Variants in BLTP1 observed in about 807,000 individuals in gnomAD.
BLTP1 encodes fragile site-associated protein.
chr4:122,234,058 A>G, the BLTP1 span: 2 of 152,970 alleles, frequency 1.3e-5, no homozygotes, highest in African/African-American at 4.8e-5. Flanking sequence ...GGATTTTATT[A>G]AAGTAAAAAA....
the BLTP1 span, chr4:122,184,839 T>G: frequency 8.1e-6 from 8 of 985,344 alleles, no homozygotes; most frequent in Non-Finnish European, 9.6e-6. Context: ...TAGCCTTTGT[T>G]CAAACTTATC....
At chr4:122,167,557 C>A in the BLTP1 span, 15 of 521,330 alleles carry the variant, frequency 2.9e-5, 1 homozygote, top group South Asian at 9.9e-4. Flanking sequence ...TCTCCTGTGC[C>A]GCCTCCTGCC....
At chr4:122,331,331 C>A in the BLTP1 span, 1 of 1,608,880 alleles carries the variant, frequency 6.2e-7, no homozygotes, top group Non-Finnish European at 8.5e-7. Flanking sequence ...TGTAGACATA[C>A]GTCTCGTAAA....
the BLTP1 span, chr4:122,208,272 A>C: frequency 4.7e-6 from 3 of 645,034 alleles, no homozygotes. Context: ...ATACATTAGG[A>C]AAGTGAGGAA....
chr4:122,289,251 G>A, the BLTP1 span: 1 of 1,186,454 alleles, frequency 8.4e-7, no homozygotes, highest in Non-Finnish European at 1.2e-6. Flanking sequence ...TTGAGCGTGT[G>A]ATATCCCATA....
chr4:122,291,040 C>T, the BLTP1 span: 3 of 296,320 alleles, frequency 1.0e-5, no homozygotes, highest in Non-Finnish European at 1.5e-5. Flanking sequence ...AAGAGAAAGG[C>T]TTTTCTTAAC....
the BLTP1 span, among the ~76,000 whole-genome samples, chr4:122,223,344 A>G: frequency 1.3e-5 from 2 of 152,192 alleles, no homozygotes; most frequent in African/African-American, 4.8e-5. Context: ...GACTACTGTA[A>G]TAAAACTAGG....
At chr4:122,214,883 A>C in the BLTP1 span, among the ~76,000 whole-genome samples, 1 of 152,258 alleles carries the variant, frequency 6.6e-6, no homozygotes, top group African/African-American at 2.4e-5. Flanking sequence ...AAGTGCTGGG[A>C]TTACAGGCAT....
the BLTP1 span, chr4:122,258,610 A>C: frequency 7.0e-6 from 10 of 1,428,826 alleles, no homozygotes; most frequent in African/African-American, 7.3e-5. Flanking sequence ...ATGAAAGTTG[A>C]GTGTCATTAT....
the BLTP1 span, chr4:122,204,750 C>T: frequency 1.9e-6 from 1 of 527,146 alleles, no homozygotes; most frequent in Non-Finnish European, 2.4e-6. Flanking sequence ...TTGGGCATTT[C>T]CCAAGTGTTA....
the BLTP1 span, chr4:122,251,739 T>C: frequency 1.2e-5 from 4 of 329,030 alleles, no homozygotes; most frequent in Non-Finnish European, 1.7e-5. Context: ...TCTGACTTTA[T>C]TGGTCCATTT....
the BLTP1 span, chr4:122,276,438 A>C: frequency 1.0e-6 from 1 of 976,276 alleles, no homozygotes; most frequent in Non-Finnish European, 1.2e-6. Context: ...CAGCCTTATA[A>C]TTCTGTATTT....
the BLTP1 span, chr4:122,348,857 T>C: frequency 6.3e-5 from 39 of 615,536 alleles, no homozygotes; most frequent in South Asian, 1.1e-3. Flanking sequence ...TGTTTTATCC[T>C]GAAAATGGCT....
the BLTP1 span, chr4:122,339,408 G>C: frequency 1.2e-6 from 2 of 1,605,700 alleles, no homozygotes; most frequent in Non-Finnish European, 1.7e-6. Context: ...TGGAATACCA[G>C]GTATAGATAA....
the BLTP1 span, chr4:122,352,769 T>C: frequency 2.9e-6 from 3 of 1,039,056 alleles, no homozygotes; most frequent in Non-Finnish European, 4.2e-6. Context: ...TATTGCTTAA[T>C]GTTTAACAGG....
chr4:122,339,055 G>A, the BLTP1 span: 1 of 765,272 alleles, frequency 1.3e-6, no homozygotes, highest in Non-Finnish European at 2.0e-6. Flanking sequence ...TGTAGATGTT[G>A]TGGTTTATGT....
At chr4:122,269,494 A>G in the BLTP1 span, 1,604 of 985,226 alleles carry the variant, frequency 1.6e-3, 23 homozygotes, top group East Asian at 0.045. Context: ...GATGCTCCAC[A>G]TTCTTACAAC....
At chr4:122,211,454 A>G in the BLTP1 span, among the ~76,000 whole-genome samples, 1 of 152,202 alleles carries the variant, frequency 6.6e-6, no homozygotes, top group Non-Finnish European at 1.5e-5. Flanking sequence ...TAGAAGTACT[A>G]CATATATCTG....
At chr4:122,270,873 A>C in the BLTP1 span, 1 of 1,105,982 alleles carries the variant, frequency 9.0e-7, no homozygotes, top group Non-Finnish European at 1.2e-6. Context: ...CTAGTGAAAA[A>C]GCATATTTTA....
Sources: allele counts gnomAD v4.1 joint callset (sites outside exome capture counted in the v4.1 genomes callset), GRCh38; gene constraint gnomAD v4.1.1; transcripts MANE v1.5; gene names NCBI Gene and HGNC (gene_info 2026-07-23, HGNC 2026-07-21).